ARHGAP15: variants seen among roughly 807,000 people sequenced by gnomAD.
ARHGAP15 encodes rho GTPase-activating protein 15.
A neutral mutation model predicts 63.7 loss-of-function variants in ARHGAP15; 51 were observed. The observed-to-expected ratio is 0.80, with a 90% confidence interval of 0.64 to 1.01. The LOEUF is 1.01. Ranked by LOEUF, ARHGAP15 falls within the 50% of genes least tolerant of loss-of-function variation. The pLI is 0.00. For synonymous variants in ARHGAP15, 191 were observed against 193.8 expected (o/e 0.99, Z 0.12); for missense variants, 560 against 564.6 (o/e 0.99, Z 0.08).
At chr2:143,511,235 C>A (rs1355255849) in intron 9 of ARHGAP15, among the ~76,000 whole-genome samples, 1 of 152,208 alleles carries the variant, frequency 6.6e-6, no homozygotes, top group Non-Finnish European at 1.5e-5. Flanking sequence ...TTTATAAGGG[C>A]AGTCATGTGG....
intron 12 of ARHGAP15, among the ~76,000 whole-genome samples, chr2:143,658,798 C>T (rs1681592404): frequency 6.6e-6 from 1 of 152,162 alleles, no homozygotes; most frequent in African/African-American, 2.4e-5. Context: ...CAAACAAACA[C>T]TTCCTTTCAC....
At chr2:143,171,711 C>A (rs1690787859) in intron 2 of ARHGAP15, among the ~76,000 whole-genome samples, 2 of 152,062 alleles carry the variant, frequency 1.3e-5, no homozygotes, top group Admixed American at 1.3e-4. Context: ...AGAAAGGAAT[C>A]CGTCCACCCC....
intron 10 of ARHGAP15, among the ~76,000 whole-genome samples, chr2:143,520,576 T>C (rs1408186079): frequency 6.6e-6 from 1 of 152,188 alleles, no homozygotes; most frequent in African/African-American, 2.4e-5. Flanking sequence ...GAGAGGTATC[T>C]GTGAGAAATG....
At chr2:143,270,549 AT>A (rs1478403019) in intron 6 of ARHGAP15, among the ~76,000 whole-genome samples, 2 of 152,196 alleles carry the variant, frequency 1.3e-5, no homozygotes, top group Admixed American at 6.5e-5. Context: ...ATTCAATATC[AT>A]TTGGTAATTA....
chr2:143,186,159 A>G (rs1441922228), intron 2 of ARHGAP15, among the ~76,000 whole-genome samples: 1 of 152,208 alleles, frequency 6.6e-6, no homozygotes, highest in East Asian at 1.9e-4. Flanking sequence ...TAAAGCCACA[A>G]ATAACCAGAG....
At chr2:143,264,786 A>G (rs1453302331) in intron 6 of ARHGAP15, among the ~76,000 whole-genome samples, 3 of 152,158 alleles carry the variant, frequency 2.0e-5, no homozygotes, top group Non-Finnish European at 4.4e-5. Flanking sequence ...AAATGGTGAC[A>G]TATTTGAAAG....
intron 6 of ARHGAP15, chr2:143,350,928 C>T (rs1324585616): frequency 2.7e-5 from 4 of 150,210 alleles, no homozygotes; most frequent in Admixed American, 2.7e-4. Context: ...CCAATTGTCT[C>T]GGTTCTCTTT....
chr2:143,319,747 T>C (rs1683914138), intron 6 of ARHGAP15, among the ~76,000 whole-genome samples: 1 of 152,030 alleles, frequency 6.6e-6, no homozygotes, highest in Admixed American at 6.5e-5. Context: ...AAAACTCATC[T>C]TTATAGGGCC....
chr2:143,262,376 C>T (rs534446652), intron 6 of ARHGAP15, among the ~76,000 whole-genome samples: 219 of 152,192 alleles, frequency 1.4e-3, no homozygotes, highest in African/African-American at 5.1e-3. Flanking sequence ...AAGCTCCACT[C>T]CTCCACTGCA....
intron 12 of ARHGAP15, among the ~76,000 whole-genome samples, chr2:143,688,830 AT>A (rs1011587180): frequency 1.7e-4 from 26 of 152,214 alleles, no homozygotes; most frequent in African/African-American, 5.5e-4. Flanking sequence ...CTAAATGTTT[AT>A]TTTTTTAGTC....
intron 6 of ARHGAP15, among the ~76,000 whole-genome samples, chr2:143,320,406 C>A (rs1683954763): frequency 4.6e-5 from 1 of 21,620 alleles, no homozygotes; most frequent in South Asian, 2.7e-3. Flanking sequence ...CAGGACTTCC[C>A]CACCCCCCCC....
At chr2:143,755,562 C>A (rs1412411390) in intron 13 of ARHGAP15, among the ~76,000 whole-genome samples, 1 of 152,012 alleles carries the variant, frequency 6.6e-6, no homozygotes, top group Non-Finnish European at 1.5e-5. Flanking sequence ...AATATTCTTT[C>A]CCCCCTGCTA....
At chr2:143,435,436 C>A in intron 6 of ARHGAP15, 165 bp from the exon 7 acceptor site, 1 of 1,215,378 alleles carries the variant, frequency 8.2e-7, no homozygotes, top group Non-Finnish European at 1.1e-6. Context: ...TTATAGAGAG[C>A]GGTTCAAAAT....
chr2:143,449,064 C>T (rs1188745342), intron 8 of ARHGAP15, among the ~76,000 whole-genome samples: 1 of 151,956 alleles, frequency 6.6e-6, no homozygotes, highest in Non-Finnish European at 1.5e-5. Flanking sequence ...TATTTAATCT[C>T]ATCAATCCCT....
At chr2:143,728,370 C>T (rs1685380195) in intron 13 of ARHGAP15, among the ~76,000 whole-genome samples, 1 of 152,100 alleles carries the variant, frequency 6.6e-6, no homozygotes, top group African/African-American at 2.4e-5. Flanking sequence ...GCCCAGTCTC[C>T]AAATGCAGTC....
At chr2:143,238,727 T>A (rs142204826) in intron 5 of ARHGAP15, among the ~76,000 whole-genome samples, 12 of 152,260 alleles carry the variant, frequency 7.9e-5, no homozygotes, top group Middle Eastern at 3.4e-3. Flanking sequence ...CATTCTATTA[T>A]AAAGACACAT....
At chr2:143,266,722 T>C (rs1681017037) in intron 6 of ARHGAP15, among the ~76,000 whole-genome samples, 1 of 152,114 alleles carries the variant, frequency 6.6e-6, no homozygotes, top group Non-Finnish European at 1.5e-5. Context: ...ATTCTTATGC[T>C]TTTTTTCATA....
At chr2:143,526,862 C>T (rs968561221) in intron 10 of ARHGAP15, among the ~76,000 whole-genome samples, 3 of 151,932 alleles carry the variant, frequency 2.0e-5, no homozygotes, top group African/African-American at 7.3e-5. Context: ...GATTCTTGTC[C>T]CATAATATGA....
chr2:143,261,379 G>C (rs570608552), intron 6 of ARHGAP15, among the ~76,000 whole-genome samples: 15 of 133,762 alleles, frequency 1.1e-4, no homozygotes, highest in Non-Finnish European at 2.0e-4. Flanking sequence ...TGTCACCCAG[G>C]CTTGAGTGGA....
Sources: allele counts gnomAD v4.1 joint callset (sites outside exome capture counted in the v4.1 genomes callset), GRCh38; gene constraint gnomAD v4.1.1; transcripts MANE v1.5; gene names NCBI Gene and HGNC (gene_info 2026-07-23, HGNC 2026-07-21).